LDLRAD3: variants seen among roughly 807,000 people sequenced by gnomAD.
The protein encoded by LDLRAD3 is low density lipoprotein receptor class A domain containing 3.
LDLRAD3 carries 20 observed loss-of-function variants against 29.4 expected under a neutral mutation model. The observed-to-expected ratio is 0.68, with a 90% CI of 0.48 to 0.99. LDLRAD3 has a LOEUF of 0.99. LDLRAD3 is among the 50% of genes least tolerant of loss of function. The pLI is 0.00. For synonymous variants in LDLRAD3, 157 were observed against 192.7 expected (o/e 0.81, Z 1.53); for missense variants, 420 against 454.3 (o/e 0.92, Z 0.69).
intron 4 of LDLRAD3, among the ~76,000 whole-genome samples, chr11:36,219,218 C>G (rs1855395232): frequency 6.6e-6 from 1 of 152,164 alleles, no homozygotes; most frequent in Admixed American, 6.5e-5. Flanking sequence ...ATGGTCTATA[C>G]CAAACTGTAA....
At chr11:36,131,830 T>C (rs1267366186) in intron 4 of LDLRAD3, among the ~76,000 whole-genome samples, 2 of 152,226 alleles carry the variant, frequency 1.3e-5, no homozygotes, top group East Asian at 1.9e-4. Flanking sequence ...TCTTGCCTCA[T>C]TGAACCCACC....
chr11:36,050,978 C>G (rs1565186574), intron 2 of LDLRAD3, among the ~76,000 whole-genome samples: 1 of 152,096 alleles, frequency 6.6e-6, no homozygotes, highest in Non-Finnish European at 1.5e-5. Context: ...CATAATGGCA[C>G]TAATCTCATT....
intron 4 of LDLRAD3, among the ~76,000 whole-genome samples, chr11:36,222,225 C>T (rs764778651): frequency 7.2e-5 from 11 of 152,158 alleles, no homozygotes; most frequent in Admixed American, 3.3e-4. Context: ...CATGCCACTA[C>T]GCCCAGCTAA....
chr11:36,160,367 G>C (rs750422671), intron 4 of LDLRAD3, among the ~76,000 whole-genome samples: 2 of 152,180 alleles, frequency 1.3e-5, no homozygotes, highest in Admixed American at 6.5e-5. Context: ...GATAAGGCCC[G>C]TGGGAGTGAA....
chr11:36,150,194 ATTTG>A (rs1293411540), intron 4 of LDLRAD3, among the ~76,000 whole-genome samples: 1 of 152,044 alleles, frequency 6.6e-6, no homozygotes, highest in Non-Finnish European at 1.5e-5. Context: ...TGAGAACAAT[ATTTG>A]TTCCATAAAT....
intron 4 of LDLRAD3, among the ~76,000 whole-genome samples, chr11:36,105,447 G>T (rs180976065): frequency 1.7e-3 from 263 of 152,186 alleles, no homozygotes; most frequent in African/African-American, 6.0e-3. Flanking sequence ...TGAAATTCTT[G>T]TGTTAATGTC....
At position 36,213,112 on chromosome 11, in the gene LDLRAD3, C is replaced by G. The variant is rs1382530335; in HGVS notation, c.455-13973C>G. On this transcript the variant is annotated intron_variant, in intron 4 of 5. Transcript: ENST00000315571. This position sits in a 1 kb window ranked among gnomAD's most constrained non-coding sequence, Gnocchi z 4.1. ...CCCTCCCTGTTCCTCTTCCACTCCC[C>G]CTCCCCTTGCTTTCCCTCCCTCTCA... Among the ~76,000 whole-genome samples, 2 of 151,350 alleles carry G rather than the reference C, an allele frequency of 1.3e-5. No individual in the cohort carries two copies. The highest frequency in any genetic ancestry group is 2.1e-4 in the South Asian group (1 of 4,726).
intron 4 of LDLRAD3, among the ~76,000 whole-genome samples, chr11:36,180,160 T>TC (rs1854738263): frequency 6.6e-6 from 1 of 152,074 alleles, no homozygotes; most frequent in East Asian, 1.9e-4. Context: ...CTATCATTTT[T>TC]CCTCATCCTC....
Position 36,116,653 on chromosome 11 carries a change from A to G in LDLRAD3, c.454+18192A>G, listed in dbSNP as rs537174989. On this transcript the variant is annotated intron_variant, in intron 4 of 5. Transcript: ENST00000315571. ...ATTTCTAGTGATTGGCACCTCAGAT[A>G]TCAAGGGAGGAGACTAAAAAAATAA... Among the ~76,000 whole-genome samples, 7 of 152,084 alleles carry G rather than the reference A, an allele frequency of 4.6e-5. No homozygotes were observed. In the South Asian group the frequency reaches 1.5e-3, roughly 32 times the overall value.
intron 4 of LDLRAD3, among the ~76,000 whole-genome samples, chr11:36,116,499 A>G (rs998901177): frequency 6.6e-6 from 1 of 152,100 alleles, no homozygotes; most frequent in African/African-American, 2.4e-5. Flanking sequence ...AACTCCCCCA[A>G]TTGTGTTCAG....
Position 36,082,923 on chromosome 11 carries a change from T to A in LDLRAD3, c.319+1145T>A, listed in dbSNP as rs1254621796. Among the ~76,000 whole-genome samples the A allele has an allele frequency of 2.0e-5, 3 of 152,340 alleles. No individual in the cohort carries two copies. The East Asian group carries it at 5.8e-4, about 29-fold the overall frequency. The stretch of plus-strand genomic sequence containing the variant: ...TCACTGTTTCTTCTTCTTTCCCCAT[T>A]CCTCAAAATGTTTAGACTACTTGAG... On this transcript the variant is annotated intron_variant, in intron 3 of 5. Transcript: ENST00000315571.
intron 3 of LDLRAD3, among the ~76,000 whole-genome samples, chr11:36,088,264 T>TA (rs1360740755): frequency 2.0e-5 from 3 of 152,130 alleles, no homozygotes; most frequent in African/African-American, 7.2e-5. Flanking sequence ...GCTGTCCTCA[T>TA]ACGTTCTTGG....
At chr11:35,970,651 G>C (rs1474717258) in intron 1 of LDLRAD3, among the ~76,000 whole-genome samples, 1 of 152,190 alleles carries the variant, frequency 6.6e-6, no homozygotes, top group Admixed American at 6.5e-5. Context: ...GTACATCAAG[G>C]CTGAGAGGTG....
At chr11:36,181,119 A>T (rs775150892) in intron 4 of LDLRAD3, among the ~76,000 whole-genome samples, 2 of 152,034 alleles carry the variant, frequency 1.3e-5, no homozygotes, top group African/African-American at 2.4e-5. Context: ...TAACGATCAG[A>T]TGCTGACCTC....
chr11:35,993,945 C>T (rs879681855), intron 1 of LDLRAD3, among the ~76,000 whole-genome samples: 9 of 152,204 alleles, frequency 5.9e-5, no homozygotes, highest in South Asian at 4.1e-4. Flanking sequence ...CGTTTTCCCA[C>T]GTTATTTTAA....
chr11:36,025,708 A>G (rs969906534), intron 1 of LDLRAD3, among the ~76,000 whole-genome samples: 3 of 146,630 alleles, frequency 2.0e-5, no homozygotes, highest in Non-Finnish European at 3.0e-5. Flanking sequence ...TTTTAAGACA[A>G]ATCTTGCAGT....
chr11:35,946,962 G>C (rs1466510779), intron 1 of LDLRAD3, among the ~76,000 whole-genome samples: 1 of 152,136 alleles, frequency 6.6e-6, no homozygotes, highest in Admixed American at 6.5e-5. Flanking sequence ...TGTGACTAAG[G>C]CTCCCTACTG....
chr11:35,964,631 A>G (rs937421581), intron 1 of LDLRAD3, among the ~76,000 whole-genome samples: 3 of 152,188 alleles, frequency 2.0e-5, no homozygotes, highest in Non-Finnish European at 4.4e-5. Flanking sequence ...AAGAAGGCCC[A>G]GATTTGGACA....
At chr11:36,066,867 G>C (rs1499510) in intron 2 of LDLRAD3, among the ~76,000 whole-genome samples, 101,515 of 152,092 alleles carry the variant, frequency 0.67, 34,814 homozygotes, top group African/African-American at 0.84. Flanking sequence ...AGTTTCTTCA[G>C]AAAAAACAAA....
Sources: allele counts gnomAD v4.1 joint callset (sites outside exome capture counted in the v4.1 genomes callset), GRCh38; gene constraint gnomAD v4.1.1; non-coding constraint Gnocchi (gnomAD v3.1); transcripts MANE v1.5; gene names NCBI Gene and HGNC (gene_info 2026-07-23, HGNC 2026-07-21).